The following ERGIC2 variants were observed in gnomAD, a reference collection of about 807,000 sequenced individuals.
ERGIC2 encodes the protein endoplasmic reticulum-Golgi intermediate compartment protein 2.
A neutral mutation model predicts 52.5 loss-of-function variants in ERGIC2; 31 were observed. That is an observed-to-expected ratio of 0.59 (90% CI 0.44 to 0.80). The LOEUF is 0.80. Ranked by LOEUF, ERGIC2 falls within the 30% of genes least tolerant of loss-of-function variation. The pLI, the probability that ERGIC2 is intolerant of heterozygous loss-of-function variation, is 0.00. For missense variants in ERGIC2, 395 were observed against 455.2 expected, an observed-to-expected ratio of 0.87 and a Z score of 1.20; for synonymous variants, 129 against 140.6, an observed-to-expected ratio of 0.92 and a Z score of 0.58.
rs114767999 is a variant in ERGIC2 at position 29,355,183 on chromosome 12, G to A, written c.572+1199C>T. 2.3e-3 allele frequency among the ~76,000 whole-genome samples: 356 copies of A among 151,950 alleles called. 1 individual carries two copies. Among genetic ancestry groups the A allele is most frequent in the African/African-American group, 8.2e-3 (340 of 41,430 alleles). On this transcript the variant is annotated intron_variant, in intron 8 of 13. Transcript: ENST00000360150. ...AATAAAGTCTCCACTGACTTGCAGCGTACATTTAATACCTTGTTAAATAGT... is the reference window on the plus strand; with the variant it reads ...AATAAAGTCTCCACTGACTTGCAGCATACATTTAATACCTTGTTAAATAGT...
At chr12:29,364,484 TA>T (rs1940331175) in intron 5 of ERGIC2, among the ~76,000 whole-genome samples, 3 of 151,958 alleles carry the variant, frequency 2.0e-5, no homozygotes, top group Middle Eastern at 6.8e-3. Context: ...TAAATGACCT[TA>T]AACTATAAGA....
intron 11 of ERGIC2, 107 bp from the exon 12 acceptor site, chr12:29,343,389 G>A (rs1338539717): frequency 6.8e-6 from 5 of 730,248 alleles, no homozygotes; most frequent in South Asian, 3.1e-5. Flanking sequence ...AAGCCCTACT[G>A]TAAAAGAAGG....
chr12:29,371,618 G>C lies in ERGIC2; in HGVS notation c.16C>G (p.Arg6Gly). The change falls in exon 2 of 14, where the codon CGG becomes GGG. Residue 6 changes from arginine to glycine, a missense_variant. Arg to Gly is a moderately radical substitution (Grantham distance 125). Transcript: ENST00000360150. The part of the protein sequence containing the change: MRRLN[R>G]KKTLSLVKEL... ...TTTACCAAACTTAAAGTTTTTTTCC[G>C]ATTCAGTCGCCTCATCTTCAGGAAA... The C allele has an allele frequency of 2.5e-6, 4 of 1,612,956 alleles. No homozygotes were observed. Among genetic ancestry groups the C allele is most frequent in the Non-Finnish European group, 3.4e-6 (4 of 1,179,404 alleles).
chr12:29,346,010 C>CA (rs961405193), intron 10 of ERGIC2, among the ~76,000 whole-genome samples: 5 of 151,414 alleles, frequency 3.3e-5, no homozygotes, highest in Admixed American at 6.6e-5. Flanking sequence ...TAATGTCTAA[C>CA]AAAAAAAATT....
chr12:29,378,709 A>T lies in ERGIC2; in HGVS notation c.-38+2406T>A, dbSNP rs190236256. Among the ~76,000 whole-genome samples, 47 of 152,198 alleles carry T rather than the reference A, an allele frequency of 3.1e-4. 1 individual carries two copies. In the East Asian group the frequency reaches 6.0e-3, roughly 19 times the overall value. ...ACATAATTCAAATAAACCTAATGAC[A>T]TTCTAAGTGACAGAAAGGTTTACTT... On this transcript the variant is annotated intron_variant, in intron 1 of 13. Transcript: ENST00000360150.
At chr12:29,356,027 C>CTT (rs112322048) in intron 8 of ERGIC2, among the ~76,000 whole-genome samples, 160 of 146,416 alleles carry the variant, frequency 1.1e-3, no homozygotes, top group African/African-American at 3.8e-3. Flanking sequence ...AAAGTATTTA[C>CTT]TTTTTTTTTT....
chr12:29,371,530 G>T lies in ERGIC2; in HGVS notation c.104C>A (p.Thr35Lys). 1 of 1,600,296 alleles carries T rather than the reference G, an allele frequency of 6.2e-7. No homozygotes were observed. Among genetic ancestry groups the T allele is most frequent in the Non-Finnish European group, 8.5e-7 (1 of 1,171,496 alleles). Reference protein sequence around the residue: ...SYVETSASGGTVSLIAFTTMA... With the variant: ...SYVETSASGGKVSLIAFTTMA... ...TTTTAATGTTAACTGATACTCACCT[G>T]TACCTCCACTGGCTGAAGTCTCTAC... Residue 35 changes from threonine to lysine, a missense_variant and splice_region_variant, in exon 2 of 14, where the codon ACA becomes AAA. Transcript: ENST00000360150.
rs112766552 is a variant in ERGIC2, at chr12:29,346,603, T to C, written c.728-1063A>G. ...TCTTAAGATATACACTAAACCAAAA[T>C]CAAATTAGCTAGCCTTTGAATAAAT... is the stretch of plus-strand genomic sequence containing the variant. On this transcript the variant is annotated intron_variant, in intron 10 of 13. Coordinates refer to ENST00000360150, the MANE Select transcript of ERGIC2 (RefSeq NM_016570.3). Among the ~76,000 whole-genome samples the C allele has an allele frequency of 4.6e-5, 7 of 152,220 alleles. 1 individual carries two copies. Among genetic ancestry groups the C allele is most frequent in the African/African-American group, 1.7e-4 (7 of 41,556 alleles).
intron 1 of ERGIC2, among the ~76,000 whole-genome samples, chr12:29,380,226 G>A (rs186825043): frequency 6.6e-6 from 1 of 152,066 alleles, no homozygotes; most frequent in East Asian, 1.9e-4. Context: ...TCTTTTTTCA[G>A]TGAACAAGCC....
intron 1 of ERGIC2, among the ~76,000 whole-genome samples, chr12:29,371,959 T>C (rs568804982): frequency 7.9e-4 from 120 of 152,284 alleles, no homozygotes; most frequent in African/African-American, 2.8e-3. Flanking sequence ...TAAGATAATG[T>C]TTTCTATTAA....
chr12:29,371,802 T>C (rs1940445200), intron 1 of ERGIC2, 132 bp from the exon 2 acceptor site: 2 of 551,622 alleles, frequency 3.6e-6, no homozygotes, highest in Non-Finnish European at 6.4e-6. Flanking sequence ...ATAAAAAGCA[T>C]AGTATTTATC....
intron 8 of ERGIC2, among the ~76,000 whole-genome samples, chr12:29,356,007 T>C (rs1413455479): frequency 7.2e-5 from 11 of 152,052 alleles, no homozygotes; most frequent in Non-Finnish European, 1.6e-4. Flanking sequence ...GCTGTATTTA[T>C]TTGATTAGCA....
intron 8 of ERGIC2, among the ~76,000 whole-genome samples, chr12:29,352,409 T>C (rs1171938014): frequency 6.6e-6 from 1 of 152,206 alleles, no homozygotes. Context: ...ACACCTGTAA[T>C]CCTAGCACTT....
chr12:29,349,123 G>C lies in ERGIC2; in HGVS notation c.683C>G (p.Ala228Gly), dbSNP rs1483284951. Reference protein sequence around the residue: ...DHLSFGELVPAIINPLDGTEK... With the variant: ...DHLSFGELVPGIINPLDGTEK... ...AGTTCCATCTAAAGGATTAATAATT[G>C]CTGGAACAAGCTCTCCAAAAGACAA... The change falls in exon 10 of 14, where the codon GCA (alanine) becomes GGA (glycine). Residue 228 changes from alanine (A) to glycine (G), a missense_variant. Ala to Gly is a moderately conservative substitution (Grantham distance 60). Transcript: ENST00000360150. 6.3e-7 allele frequency: 1 copy of C among 1,582,262 alleles called. No individual in the cohort carries two copies. Among genetic ancestry groups the C allele is most frequent in the Non-Finnish European group, 8.6e-7 (1 of 1,165,014 alleles).
At position 29,338,771 on chromosome 12, in the gene ERGIC2, A is replaced by G. The variant is rs1949816180; in HGVS notation, c.*2385T>C. 1 of 152,224 alleles carries G rather than the reference A, an allele frequency of 6.6e-6. No individual in the cohort carries two copies. The highest frequency in any genetic ancestry group is 2.1e-4 in the South Asian group (1 of 4,832). 9.4% of individuals were successfully genotyped at this position (152,224 alleles called of 1,614,324 possible). On this transcript the variant is annotated 3_prime_UTR_variant, in exon 14 of 14. Coordinates refer to ENST00000360150, the MANE Select transcript of ERGIC2 (RefSeq NM_016570.3). ...AATATTTAATCTTCTTTATAGGTCA[A>G]TGTATGCAAACACAGTATTTAAAAA...
At chr12:29,356,517 C>T (rs1035606) in intron 7 of ERGIC2, 40 bp from the exon 8 acceptor site, 347,499 of 1,092,166 alleles carry the variant, frequency 0.32, 59,637 homozygotes, top group African/African-American at 0.61. Context: ...ACATTCAATA[C>T]AGTTACCATT....
chr12:29,371,494 T>C, intron 2 of ERGIC2, 34 bp downstream of exon 2: 2 of 1,369,984 alleles, frequency 1.5e-6, no homozygotes, highest in Non-Finnish European at 2.0e-6. Context: ...AAGTTGTACT[T>C]ACTACAGAAC....
In ERGIC2 at chr12:29,349,066, A is replaced by G. The variant is rs1365473223; in HGVS notation, c.727+13T>C. 7.3e-7 allele frequency: 1 copy of G among 1,364,606 alleles called. No homozygotes were observed. The allele number at this position is 1,364,606 out of a possible 1,614,324, so 84.5% of individuals were successfully genotyped here. On this transcript the variant is annotated intron_variant, in intron 10 of 13. Coordinates refer to ENST00000360150, the MANE Select transcript of ERGIC2 (RefSeq NM_016570.3). ...CTACATGTAAAATCCAACAATAATT[A>G]TTAAATACTTACGATCTATAGCAAT...
At chr12:29,344,471 C>T (rs1940014432) in intron 11 of ERGIC2, among the ~76,000 whole-genome samples, 1 of 152,166 alleles carries the variant, frequency 6.6e-6, no homozygotes. Context: ...AATCTCCCTA[C>T]TCCTTAAAGA....
Sources: allele counts gnomAD v4.1 joint callset (sites outside exome capture counted in the v4.1 genomes callset), GRCh38; gene constraint gnomAD v4.1.1; transcripts MANE v1.5; gene names NCBI Gene and HGNC (gene_info 2026-07-23, HGNC 2026-07-21).